Variants in RELB observed in about 807,000 individuals in gnomAD.
RELB encodes the protein transcription factor RelB.
Under a neutral mutation model 55.4 loss-of-function variants are expected in RELB, and 14 were observed. That is an observed-to-expected ratio of 0.25 (90% CI 0.17 to 0.40). The LOEUF (loss-of-function observed/expected upper bound fraction) is 0.40, where lower values mean the gene tolerates loss of function less well. Ranked by LOEUF, RELB falls within the 10% of genes least tolerant of loss-of-function variation. The pLI, the probability that RELB is intolerant of heterozygous loss-of-function variation, is 1.00. For missense variants in RELB, 669 were observed against 830.7 expected, an observed-to-expected ratio of 0.81 and a Z score of 2.39; for synonymous variants, 409 against 371.3, an observed-to-expected ratio of 1.10 and a Z score of -1.17.
intron 5 of RELB, among the ~76,000 whole-genome samples, chr19:45,024,305 G>T (rs1184057308): frequency 6.6e-6 from 1 of 151,804 alleles, no homozygotes; most frequent in African/African-American, 2.4e-5. Flanking sequence ...GGGACTACAG[G>T]CACCCGCCAC....
intron 4 of RELB, among the ~76,000 whole-genome samples, chr19:45,014,380 A>C (rs1006417213): frequency 3.3e-5 from 5 of 151,968 alleles, no homozygotes; most frequent in Admixed American, 6.6e-5. Context: ...CATGTTGTCC[A>C]GGCTGGTCTT....
intron 5 of RELB, 136 bp from the exon 6 acceptor site, chr19:45,025,193 C>A: frequency 1.5e-6 from 1 of 664,422 alleles, no homozygotes; most frequent in Non-Finnish European, 2.7e-6. Flanking sequence ...GTTTCTAATG[C>A]TGGGACCCCT....
chr19:45,022,724 T>G (rs1352239681), intron 5 of RELB, among the ~76,000 whole-genome samples: 1 of 151,898 alleles, frequency 6.6e-6, no homozygotes, highest in Non-Finnish European at 1.5e-5. Flanking sequence ...ATTTTTTGGA[T>G]TTTTAGTAGA....
rs757513771 is a variant in RELB, at chr19:45,032,500, C to T, written c.992-34C>T. ...GTTGGGAGCACAGTGGTCCAGATGT[C>T]CTGGCTTAGCTGATGTCCCCCGTTT... On this transcript the variant is annotated intron_variant, in intron 8 of 11. Transcript: ENST00000221452. The T allele has an allele frequency of 1.9e-6, 3 of 1,556,490 alleles. No individual in the cohort carries two copies. In the East Asian group the frequency reaches 6.9e-5, roughly 36 times the overall value.
At chr19:45,034,590 T>G in intron 11 of RELB, 62 bp downstream of exon 11, 1 of 1,446,486 alleles carries the variant, frequency 6.9e-7, no homozygotes, top group African/African-American at 1.4e-5. Flanking sequence ...GTGGCAGCCC[T>G]GCTTTTCTGG....
intron 4 of RELB, among the ~76,000 whole-genome samples, chr19:45,015,612 G>T (rs1188550988): frequency 1.3e-5 from 2 of 151,964 alleles, no homozygotes; most frequent in Non-Finnish European, 2.9e-5. Context: ...GCATGCGCCT[G>T]GGGTCCCAGC....
At position 45,012,044 on chromosome 19, in the gene RELB, G is replaced by T; in HGVS notation, c.272G>T (p.Ser91Ile). 1 of 1,568,914 alleles carries T rather than the reference G, an allele frequency of 6.4e-7. No individual in the cohort carries two copies. Among genetic ancestry groups the T allele is most frequent in the Non-Finnish European group, 8.6e-7 (1 of 1,160,618 alleles). ...RLVSRGAASL[S>I]TVTLGPVAPP... ...GTGTCTCGCGGGGCTGCGTCCCTGA[G>T]CACGGTCACCCTGGGCCCTGTGGCG... The change falls in exon 4 of 12, where the codon AGC (serine) becomes ATC (isoleucine). Residue 91 changes from serine (S) to isoleucine (I), a missense_variant. Ser to Ile is a moderately radical substitution (Grantham distance 142). Transcript: ENST00000221452.
rs1475785106 is a variant in RELB, at chr19:45,036,083, C to CT, written c.1355-1313dup. On this transcript the variant is annotated intron_variant, in intron 11 of 11. Coordinates refer to ENST00000221452, the MANE Select transcript of RELB (RefSeq NM_006509.4). ...GTCTTGTTCCAAAAAGAGAGTCCCT[C>CT]TTTTTTTTTGAGATAGTCTTGCCCT... Among the ~76,000 whole-genome samples the CT allele has an allele frequency of 1.5e-4, 22 of 151,468 alleles. No homozygotes were observed. The East Asian group carries it at 2.3e-3, about 16-fold the overall frequency.
At chr19:45,008,927 A>T (rs1971316064) in intron 2 of RELB, among the ~76,000 whole-genome samples, 1 of 151,968 alleles carries the variant, frequency 6.6e-6, no homozygotes, top group South Asian at 2.1e-4. Flanking sequence ...GGGAGGTGAA[A>T]AGGGGCTTCC....
At chr19:45,018,880 C>G (rs1378467442) in intron 4 of RELB, among the ~76,000 whole-genome samples, 1 of 151,736 alleles carries the variant, frequency 6.6e-6, no homozygotes, top group South Asian at 2.1e-4. Context: ...TTCTCCATGT[C>G]GGTCAGGCTG....
chr19:45,026,571 C>A (rs1341078805), intron 7 of RELB, among the ~76,000 whole-genome samples: 1 of 151,974 alleles, frequency 6.6e-6, no homozygotes, highest in East Asian at 1.9e-4. Context: ...AACATCAAAC[C>A]CAAAATGGAA....
At chr19:45,013,625 G>C (rs1483759610) in intron 4 of RELB, among the ~76,000 whole-genome samples, 2 of 151,910 alleles carry the variant, frequency 1.3e-5, no homozygotes, top group African/African-American at 4.8e-5. Flanking sequence ...CTGAGGTCGG[G>C]AGTTCGAGAC....
chr19:45,017,542 G>GA (rs1202795017), intron 4 of RELB, among the ~76,000 whole-genome samples: 1 of 150,224 alleles, frequency 6.7e-6, no homozygotes, highest in Admixed American at 6.7e-5. Context: ...CTTTTACTTG[G>GA]AAAAAAAAGT....
At chr19:45,001,754 C>G (rs987986191) in intron 1 of RELB, 69 bp downstream of exon 1, 1 of 1,066,010 alleles carries the variant, frequency 9.4e-7, no homozygotes, top group Non-Finnish European at 1.3e-6. Context: ...CTGGCGGTCC[C>G]GGAGTAGTCT....
chr19:45,012,301 C>T (rs971717081), intron 4 of RELB, 25 bp downstream of exon 4: 6 of 1,338,072 alleles, frequency 4.5e-6, no homozygotes, highest in South Asian at 1.8e-5. Context: ...CGGCCCCGGG[C>T]GGGTGGGACT....
chr19:45,035,517 A>G (rs1971675769), intron 11 of RELB, among the ~76,000 whole-genome samples: 1 of 151,822 alleles, frequency 6.6e-6, no homozygotes, highest in Admixed American at 6.6e-5. Context: ...GACCCTTCTC[A>G]AAACAACAAC....
Position 45,037,718 on chromosome 19 carries a change from C to T in RELB, c.1668C>T (p.Asn556=), listed in dbSNP as rs369233993. 6 of 1,529,826 alleles carry T rather than the reference C, an allele frequency of 3.9e-6. No individual in the cohort carries two copies. The highest frequency in any genetic ancestry group is 4.4e-6 in the Non-Finnish European group (5 of 1,144,416). The allele number at this position is 1,529,826 out of a possible 1,614,324, so 94.8% of individuals were successfully genotyped here. The part of the protein sequence containing the change: ...DGGTASLVGS[N]MFPNHYREAA... ...GCACCGCCAGCCTTGTGGGCAGCAA[C>T]ATGTTCCCCAATCATTACCGCGAGG... Residue 556 remains asparagine (N), a synonymous_variant, in exon 12 of 12, where the codon AAC becomes AAT. Coordinates refer to ENST00000221452, the MANE Select transcript of RELB (RefSeq NM_006509.4).
chr19:45,011,821 A>C (rs1285276598), intron 3 of RELB, 115 bp from the exon 4 acceptor site: 4 of 388,582 alleles, frequency 1.0e-5, no homozygotes, highest in Non-Finnish European at 1.8e-5. Flanking sequence ...AGAGAGAGAG[A>C]GAGAGAGAGA....
At chr19:45,005,201 C>T (rs1971268853) in intron 2 of RELB, among the ~76,000 whole-genome samples, 1 of 151,932 alleles carries the variant, frequency 6.6e-6, no homozygotes, top group Non-Finnish European at 1.5e-5. Context: ...CCATGTCAGG[C>T]CCCACCTCTC....
Sources: allele counts gnomAD v4.1 joint callset (sites outside exome capture counted in the v4.1 genomes callset), GRCh38; gene constraint gnomAD v4.1.1; transcripts MANE v1.5; gene names NCBI Gene and HGNC (gene_info 2026-07-23, HGNC 2026-07-21).